Variants in PKNOX2 observed in about 807,000 individuals in gnomAD.
PKNOX2 encodes the protein PBX/knotted 1 homeobox 2.
PKNOX2 carries 14 observed loss-of-function variants against 53.1 expected under a neutral mutation model. The ratio of observed to expected loss-of-function variants is 0.26; its 90% CI spans 0.17 to 0.41. The LOEUF (loss-of-function observed/expected upper bound fraction) is 0.41, where lower values mean the gene tolerates loss of function less well. PKNOX2 is among the 10% of genes least tolerant of loss of function. The probability of loss-of-function intolerance (pLI) is 1.00; values close to 1 mark genes in which losing one functional copy is unlikely to be tolerated. For synonymous variants in PKNOX2, 257 were observed against 242.8 expected (o/e 1.06, Z -0.54); for missense variants, 496 against 602.8 (o/e 0.82, Z 1.85).
intron 2 of PKNOX2, among the ~76,000 whole-genome samples, chr11:125,283,459 G>A (rs1296403635): frequency 6.6e-6 from 1 of 152,168 alleles, no homozygotes; most frequent in Non-Finnish European, 1.5e-5. Context: ...CAATATCTAG[G>A]TATACTGCTC....
At chr11:125,362,288 G>A (rs2136249609) in intron 4 of PKNOX2, among the ~76,000 whole-genome samples, 1 of 152,314 alleles carries the variant, frequency 6.6e-6, no homozygotes, top group South Asian at 2.1e-4. Flanking sequence ...GTGGGCTTCT[G>A]TTTTCTCATC....
chr11:125,381,707 C>A (rs1160457618), intron 5 of PKNOX2, among the ~76,000 whole-genome samples: 2 of 152,182 alleles, frequency 1.3e-5, no homozygotes, highest in Non-Finnish European at 2.9e-5. Flanking sequence ...CTGACTCCTG[C>A]TGCCTTTTCA....
rs373372797 is a variant in PKNOX2 at position 125,350,141 on chromosome 11, A to C, written c.-22-1143A>C. Among the ~76,000 whole-genome samples the C allele has an allele frequency of 1.0e-3, 156 of 152,322 alleles. No homozygotes were observed. In the South Asian group the frequency reaches 0.024, roughly 23 times the overall value. ...TTAGCAACCTCCTACCCTACAGTGG[A>C]CAGCCCTGTATCAGGCAACTAGCCT... On this transcript the variant is annotated intron_variant, in intron 3 of 12. Transcript: ENST00000298282.
At chr11:125,368,042 C>T in intron 5 of PKNOX2, 57 bp downstream of exon 5, 1 of 1,564,274 alleles carries the variant, frequency 6.4e-7, no homozygotes. Flanking sequence ...CCCAGCTCAG[C>T]TGTGAGGGAT....
intron 5 of PKNOX2, among the ~76,000 whole-genome samples, chr11:125,384,809 G>A (rs182390442): frequency 1.1e-4 from 16 of 151,712 alleles, no homozygotes; most frequent in Non-Finnish European, 1.8e-4. Flanking sequence ...TTCATTCACC[G>A]AATATTTATT....
chr11:125,387,708 C>T (rs1029927878), intron 6 of PKNOX2, among the ~76,000 whole-genome samples: 1 of 152,204 alleles, frequency 6.6e-6, no homozygotes, highest in Admixed American at 6.5e-5. Flanking sequence ...CCATCTCAGG[C>T]ACTGGGCTGG....
intron 3 of PKNOX2, among the ~76,000 whole-genome samples, chr11:125,349,434 G>A (rs1009905917): frequency 3.3e-5 from 5 of 152,202 alleles, no homozygotes; most frequent in African/African-American, 1.2e-4. Flanking sequence ...TGAGATGGGC[G>A]AGGCCCTGCA....
chr11:125,277,038 A>G (rs1946216514), intron 2 of PKNOX2, among the ~76,000 whole-genome samples: 1 of 152,166 alleles, frequency 6.6e-6, no homozygotes, highest in Middle Eastern at 3.2e-3. Context: ...ATGGAAACGG[A>G]TCATGAAAAA....
intron 2 of PKNOX2, among the ~76,000 whole-genome samples, chr11:125,260,524 G>A (rs1192123452): frequency 6.6e-6 from 1 of 152,106 alleles, no homozygotes; most frequent in East Asian, 1.9e-4. Flanking sequence ...TAATCAGAAA[G>A]GTGATTGATG....
At chr11:125,416,729 G>C (rs564360984) in intron 10 of PKNOX2, among the ~76,000 whole-genome samples, 1 of 152,080 alleles carries the variant, frequency 6.6e-6, no homozygotes, top group African/African-American at 2.4e-5. Context: ...TACAGAAGAA[G>C]TGGAAACAGC....
At chr11:125,242,606 G>A (rs1044714119) in intron 2 of PKNOX2, among the ~76,000 whole-genome samples, 6 of 152,078 alleles carry the variant, frequency 3.9e-5, no homozygotes, top group African/African-American at 1.4e-4. Flanking sequence ...TCCATGCTGG[G>A]GATAGAGCAG....
intron 1 of PKNOX2, among the ~76,000 whole-genome samples, chr11:125,205,650 A>G (rs1048409047): frequency 6.6e-6 from 1 of 152,026 alleles, no homozygotes; most frequent in African/African-American, 2.4e-5. Context: ...CTGTTTTTAA[A>G]TATGTCTTCC....
chr11:125,388,093 G>C (rs1953769967), intron 6 of PKNOX2, among the ~76,000 whole-genome samples: 1 of 151,982 alleles, frequency 6.6e-6, no homozygotes, highest in African/African-American at 2.4e-5. Flanking sequence ...CCACCAAAGA[G>C]ACCGTGCGGC....
chr11:125,387,657 G>A (rs1217032564), intron 6 of PKNOX2, among the ~76,000 whole-genome samples: 1 of 152,230 alleles, frequency 6.6e-6, no homozygotes, highest in Non-Finnish European at 1.5e-5. Flanking sequence ...TGCTGTGGAA[G>A]CTGCCCTGGT....
At chr11:125,167,331 G>GCACGACC (rs1288322648) in intron 1 of PKNOX2, among the ~76,000 whole-genome samples, 2 of 152,316 alleles carry the variant, frequency 1.3e-5, no homozygotes, top group East Asian at 1.9e-4. Flanking sequence ...CACGGAAGAC[G>GCACGACC]CACGACCCAC....
At chr11:125,285,729 A>G (rs1946855951) in intron 2 of PKNOX2, among the ~76,000 whole-genome samples, 1 of 152,226 alleles carries the variant, frequency 6.6e-6, no homozygotes, top group Non-Finnish European at 1.5e-5. Context: ...AAATTTTGCA[A>G]GCCAATGGTT....
chr11:125,252,048 C>T (rs560626657), intron 2 of PKNOX2, among the ~76,000 whole-genome samples: 1 of 152,218 alleles, frequency 6.6e-6, no homozygotes, highest in Admixed American at 6.5e-5. Context: ...AAGCAGGCAC[C>T]TCTAGCACAA....
intron 9 of PKNOX2, 122 bp from the exon 10 acceptor site, chr11:125,411,623 AG>A (rs1179934987): frequency 6.6e-7 from 1 of 1,519,862 alleles, no homozygotes; most frequent in Non-Finnish European, 9.1e-7. Context: ...TGACCTCCCC[AG>A]GGCCCTAGGA....
At chr11:125,306,729 A>G (rs1948486673) in intron 2 of PKNOX2, among the ~76,000 whole-genome samples, 1 of 151,878 alleles carries the variant, frequency 6.6e-6, no homozygotes, top group African/African-American at 2.4e-5. Flanking sequence ...GAAAATGCAG[A>G]CTCTGGACCC....
Sources: gnomAD v4.1 joint callset for allele counts (sites outside exome capture counted in the v4.1 genomes callset) on GRCh38, gnomAD v4.1.1 for gene constraint, MANE v1.5 for transcripts, NCBI Gene and HGNC (gene_info 2026-07-23, HGNC 2026-07-21) for gene names.